KCNIP3: variants seen among roughly 807,000 people sequenced by gnomAD.
The protein encoded by KCNIP3 is calsenilin.
KCNIP3 carries 28 observed loss-of-function variants against 35.0 expected under a neutral mutation model. The ratio of observed to expected loss-of-function variants is 0.80; its 90% CI spans 0.59 to 1.10. The LOEUF (loss-of-function observed/expected upper bound fraction) is 1.10, where lower values mean the gene tolerates loss of function less well. Among genes scored for constraint, KCNIP3 ranks in the 50% least tolerant of loss-of-function variants. KCNIP3 has a pLI of 0.00. For synonymous variants in KCNIP3, 134 were observed against 133.8 expected (o/e 1.00, Z -0.01); for missense variants, 295 against 338.4 (o/e 0.87, Z 1.01).
intron 2 of KCNIP3, among the ~76,000 whole-genome samples, chr2:95,371,980 T>C (rs1393897506): frequency 6.6e-6 from 1 of 151,940 alleles, no homozygotes. Flanking sequence ...CATTTTTGTA[T>C]TTTTAGTAGA....
At chr2:95,362,405 C>T (rs775932183) in intron 2 of KCNIP3, among the ~76,000 whole-genome samples, 6 of 152,158 alleles carry the variant, frequency 3.9e-5, no homozygotes, top group Non-Finnish European at 8.8e-5. Flanking sequence ...CACACCCGGC[C>T]TCTCTTACTC....
intron 1 of KCNIP3, among the ~76,000 whole-genome samples, chr2:95,300,906 C>T (rs1573475288): frequency 6.6e-6 from 1 of 152,218 alleles, no homozygotes; most frequent in South Asian, 2.1e-4. Context: ...CCAGGCTCAG[C>T]CAGGAAAAGC....
intron 2 of KCNIP3, among the ~76,000 whole-genome samples, chr2:95,373,005 T>C (rs1197259987): frequency 6.6e-6 from 1 of 152,148 alleles, no homozygotes; most frequent in Admixed American, 6.5e-5. Context: ...CCCAGCACCA[T>C]GCCAGGCACC....
intron 2 of KCNIP3, among the ~76,000 whole-genome samples, chr2:95,328,337 C>T (rs1455898766): frequency 6.6e-6 from 1 of 152,194 alleles, no homozygotes; most frequent in African/African-American, 2.4e-5. Context: ...GGTCTAACTC[C>T]CAGAGCAGTG....
At chr2:95,322,597 G>A (rs892963552) in intron 2 of KCNIP3, among the ~76,000 whole-genome samples, 1 of 152,206 alleles carries the variant, frequency 6.6e-6, no homozygotes, top group African/African-American at 2.4e-5. Flanking sequence ...CTGGCCACAA[G>A]GGCAGGGCTG....
intron 2 of KCNIP3, among the ~76,000 whole-genome samples, chr2:95,317,780 G>A (rs1047924387): frequency 2.6e-5 from 4 of 152,178 alleles, no homozygotes; most frequent in South Asian, 2.1e-4. Flanking sequence ...TGGGGGTACC[G>A]CCTGCACAGT....
At chr2:95,307,340 G>A (rs1489829103) in intron 1 of KCNIP3, among the ~76,000 whole-genome samples, 4 of 152,144 alleles carry the variant, frequency 2.6e-5, no homozygotes, top group African/African-American at 9.7e-5. Context: ...TCCAGAGACC[G>A]CCCCAGGGAC....
At chr2:95,379,438 C>G (rs985271228) in intron 5 of KCNIP3, among the ~76,000 whole-genome samples, 1 of 145,282 alleles carries the variant, frequency 6.9e-6, no homozygotes, top group African/African-American at 2.6e-5. Context: ...CACCAGCCTC[C>G]CACAGCTCCA....
chr2:95,323,117 T>C (rs1678638177), intron 2 of KCNIP3, among the ~76,000 whole-genome samples: 1 of 152,054 alleles, frequency 6.6e-6, no homozygotes, highest in Non-Finnish European at 1.5e-5. Flanking sequence ...AGGAACACTA[T>C]GGGAGGGTCA....
intron 2 of KCNIP3, among the ~76,000 whole-genome samples, chr2:95,315,066 C>T (rs936826762): frequency 2.6e-5 from 4 of 152,130 alleles, no homozygotes; most frequent in Non-Finnish European, 5.9e-5. Context: ...TTGGTCACAC[C>T]GCTCTATTCC....
At chr2:95,316,563 G>A (rs1307593586) in intron 2 of KCNIP3, among the ~76,000 whole-genome samples, 2 of 152,200 alleles carry the variant, frequency 1.3e-5, no homozygotes, top group Admixed American at 1.3e-4. Flanking sequence ...TGGCAATGTG[G>A]TTGCTTTGCA....
intron 2 of KCNIP3, among the ~76,000 whole-genome samples, chr2:95,347,580 C>A (rs1679409051): frequency 1.3e-5 from 2 of 152,228 alleles, no homozygotes; most frequent in African/African-American, 4.8e-5. Context: ...GTTACCCCTC[C>A]CCAAGCAAGG....
intron 2 of KCNIP3, among the ~76,000 whole-genome samples, chr2:95,355,579 A>T (rs1259411158): frequency 6.6e-6 from 1 of 152,078 alleles, no homozygotes; most frequent in Non-Finnish European, 1.5e-5. Context: ...CCCACCTGTG[A>T]GTGAGAACAT....
intron 2 of KCNIP3, among the ~76,000 whole-genome samples, chr2:95,320,124 T>C (rs368964213): frequency 7.6e-4 from 115 of 152,160 alleles, no homozygotes; most frequent in African/African-American, 2.6e-3. Flanking sequence ...GCTGGCTGGG[T>C]GTGGACCCGG....
At chr2:95,365,499 C>G (rs953987049) in intron 2 of KCNIP3, among the ~76,000 whole-genome samples, 16 of 152,066 alleles carry the variant, frequency 1.1e-4, no homozygotes, top group African/African-American at 3.6e-4. Flanking sequence ...ACAATATTGA[C>G]CACATGGAGA....
intron 2 of KCNIP3, among the ~76,000 whole-genome samples, chr2:95,346,463 C>T (rs940145709): frequency 6.6e-6 from 1 of 150,450 alleles, no homozygotes; most frequent in Non-Finnish European, 1.5e-5. Context: ...GGGGCCGGCT[C>T]CCTCCGCCCT....
At chr2:95,368,746 C>A in intron 2 of KCNIP3, 1 of 245,360 alleles carries the variant, frequency 4.1e-6, no homozygotes, top group South Asian at 7.9e-5. Context: ...TGTCTCCTTC[C>A]TGACTGATAA....
chr2:95,313,591 A>T (rs1678376809), intron 2 of KCNIP3: 2 of 152,242 alleles, frequency 1.3e-5, no homozygotes, highest in African/African-American at 4.8e-5. Flanking sequence ...ATGCCTCTCC[A>T]GAGGCATGGC....
rs900878132 is a variant in KCNIP3, at chr2:95,378,767, TATATATATATATACACACACACACACAC to T, written c.448-2801_448-2774del. 1.4e-5 allele frequency among the ~76,000 whole-genome samples: 2 copies of T among 147,268 alleles called. No homozygotes were observed. The highest frequency in any genetic ancestry group is 2.0e-4 in the East Asian group (1 of 5,082). The stretch of plus-strand genomic sequence containing the variant: ...CTCAATCTCAAAAACAAAAACAAAA[TATATATATATATACACACACACACACAC>T]ATATATATATATACACACACACACA... On this transcript the variant is annotated intron_variant, in intron 5 of 8. Coordinates refer to ENST00000295225, the MANE Select transcript of KCNIP3 (RefSeq NM_013434.5). This position sits in a 1 kb window ranked among gnomAD's most constrained non-coding sequence, Gnocchi z 4.0.
Sources: gnomAD v4.1 joint callset for allele counts (sites outside exome capture counted in the v4.1 genomes callset) on GRCh38, gnomAD v4.1.1 for gene constraint, Gnocchi (gnomAD v3.1) non-coding constraint, MANE v1.5 for transcripts, NCBI Gene and HGNC (gene_info 2026-07-23, HGNC 2026-07-21) for gene names.